DAB1: variants seen among roughly 807,000 people sequenced by gnomAD.
The protein encoded by DAB1 is disabled homolog 1.
DAB1 carries 15 observed loss-of-function variants against 64.6 expected under a neutral mutation model. The observed-to-expected ratio is 0.23, with a 90% CI of 0.16 to 0.36. The LOEUF is 0.36. Ranked by LOEUF, DAB1 falls within the 10% of genes least tolerant of loss-of-function variation. DAB1 has a pLI of 1.00. For missense variants in DAB1, 596 were observed against 706.7 expected (o/e 0.84, Z 1.78); for synonymous variants, 235 against 251.9 (o/e 0.93, Z 0.64).
At chr1:58,375,537 GAT>G (rs1157616843) in intron 3 of DAB1, among the ~76,000 whole-genome samples, 1 of 147,858 alleles carries the variant, frequency 6.8e-6, no homozygotes, top group Non-Finnish European at 1.5e-5. Context: ...AAGCCCACTT[GAT>G]CATGGTGGAT....
intron 4 of DAB1, among the ~76,000 whole-genome samples, chr1:58,338,480 C>G (rs1458786826): frequency 6.6e-6 from 1 of 152,098 alleles, no homozygotes; most frequent in East Asian, 1.9e-4. Flanking sequence ...GGTTTTGGTT[C>G]CCTATTATTT....
intron 4 of DAB1, among the ~76,000 whole-genome samples, chr1:58,330,477 T>C (rs1359722254): frequency 6.6e-6 from 1 of 152,226 alleles, no homozygotes; most frequent in East Asian, 1.9e-4. Flanking sequence ...CTAAATAACA[T>C]ATTTTCAATT....
chr1:57,800,644 A>C (rs1169892556), intron 6 of DAB1, among the ~76,000 whole-genome samples: 1 of 152,238 alleles, frequency 6.6e-6, no homozygotes, highest in African/African-American at 2.4e-5. Context: ...ATTGGGATTT[A>C]AGTTACAGTC....
rs920749576 is a variant in DAB1, at chr1:57,260,093, C to T, written c.67+30871G>A. Among the ~76,000 whole-genome samples, 22 of 152,140 alleles carry T rather than the reference C, an allele frequency of 1.4e-4. 1 individual carries two copies. The highest frequency in any genetic ancestry group is 7.2e-4 in the Admixed American group (11 of 15,268). On this transcript the variant is annotated intron_variant, in intron 2 of 14. Transcript: ENST00000371236. ...AGAACTCGGCCAAGAAGGAGCCTCA[C>T]CAGCCTGCCCCGCTAGTGTAGAGAT...
At position 57,073,121 on chromosome 1, in the gene DAB1, C is replaced by T. The variant is rs78095543; in HGVS notation, c.307-707G>A. ...CTGAACAAGGCATGCCTTCTGTCTC[C>T]CTGGAGAAATAATTCCACCCTCATT... On this transcript the variant is annotated intron_variant, in intron 4 of 14. Coordinates refer to ENST00000371236, the MANE Select transcript of DAB1 (RefSeq NM_001365792.1). Among the ~76,000 whole-genome samples, 97 of 152,292 alleles carry T rather than the reference C, an allele frequency of 6.4e-4. 1 individual carries two copies. In the East Asian group the frequency reaches 0.016, roughly 25 times the overall value.
intron 1 of DAB1, among the ~76,000 whole-genome samples, chr1:57,300,333 A>G (rs1673538010): frequency 6.6e-6 from 1 of 152,182 alleles, no homozygotes; most frequent in South Asian, 2.1e-4. Context: ...AGTTGGTATG[A>G]GAGAAATCAT....
intron 1 of DAB1, among the ~76,000 whole-genome samples, chr1:58,534,542 GT>G (rs895593285): frequency 3.3e-5 from 5 of 152,148 alleles, no homozygotes; most frequent in African/African-American, 7.2e-5. Flanking sequence ...CTAATACTAA[GT>G]TTTTTTATGA....
At chr1:58,038,049 A>G (rs1647074000) in intron 5 of DAB1, among the ~76,000 whole-genome samples, 1 of 152,228 alleles carries the variant, frequency 6.6e-6, no homozygotes, top group Non-Finnish European at 1.5e-5. Flanking sequence ...TACCCTAACT[A>G]ATACACTATA....
chr1:57,275,654 A>T (rs545399406), intron 2 of DAB1, among the ~76,000 whole-genome samples: 122 of 152,292 alleles, frequency 8.0e-4, no homozygotes, highest in Non-Finnish European at 1.4e-3. Flanking sequence ...TGAGGTTAAA[A>T]GATCTGAACA....
chr1:57,601,663 T>A (rs1277504576), intron 7 of DAB1, among the ~76,000 whole-genome samples: 8 of 152,154 alleles, frequency 5.3e-5, no homozygotes, highest in African/African-American at 1.9e-4. Context: ...CTATCCATGG[T>A]AGGTACTTTG....
chr1:58,436,301 A>G (rs1171611953), intron 3 of DAB1, among the ~76,000 whole-genome samples: 1 of 152,220 alleles, frequency 6.6e-6, no homozygotes, highest in African/African-American at 2.4e-5. Flanking sequence ...AGCTAGTTGT[A>G]CCTAGAATAC....
chr1:57,712,047 A>G (rs1647034724), intron 6 of DAB1, among the ~76,000 whole-genome samples: 1 of 152,150 alleles, frequency 6.6e-6, no homozygotes, highest in South Asian at 2.1e-4. Context: ...AAACATTTGG[A>G]GTTTTCCCCT....
chr1:58,421,617 C>T (rs1644772899), intron 3 of DAB1, among the ~76,000 whole-genome samples: 1 of 152,140 alleles, frequency 6.6e-6, no homozygotes, highest in Non-Finnish European at 1.5e-5. Flanking sequence ...TAAGAGCTTT[C>T]ATGCTGGGGG....
intron 5 of DAB1, among the ~76,000 whole-genome samples, chr1:57,908,600 G>T (rs1644593503): frequency 7.4e-6 from 1 of 134,350 alleles, no homozygotes; most frequent in South Asian, 2.3e-4. Flanking sequence ...TCCAAGCGCA[G>T]TCAGAGTCCT....
intron 4 of DAB1, among the ~76,000 whole-genome samples, chr1:58,321,513 G>C (rs1662682164): frequency 1.3e-5 from 2 of 152,334 alleles, no homozygotes; most frequent in South Asian, 4.1e-4. Context: ...CTAGCCAAGG[G>C]AAGCCATGAC....
intron 1 of DAB1, among the ~76,000 whole-genome samples, chr1:57,300,884 A>T (rs1389768653): frequency 6.6e-6 from 1 of 152,168 alleles, no homozygotes; most frequent in Non-Finnish European, 1.5e-5. Context: ...TTATTCATTG[A>T]TTCATTGACT....
chr1:58,157,693 T>C (rs1655294830), intron 4 of DAB1, among the ~76,000 whole-genome samples: 1 of 152,086 alleles, frequency 6.6e-6, no homozygotes, highest in South Asian at 2.1e-4. Context: ...AAACACTGAG[T>C]TGCTGGAATC....
chr1:57,155,469 A>C (rs2100861586), intron 2 of DAB1, among the ~76,000 whole-genome samples: 1 of 150,646 alleles, frequency 6.6e-6, no homozygotes, highest in African/African-American at 2.4e-5. Flanking sequence ...TGATTCTTCC[A>C]GTTTTGTTTT....
chr1:58,341,668 A>G (rs768666325), intron 4 of DAB1, among the ~76,000 whole-genome samples: 2 of 151,912 alleles, frequency 1.3e-5, no homozygotes, highest in Non-Finnish European at 2.9e-5. Flanking sequence ...GCCTTTAACC[A>G]CTCCTCAACT....
Sources: gnomAD v4.1 joint callset for allele counts (sites outside exome capture counted in the v4.1 genomes callset) on GRCh38, gnomAD v4.1.1 for gene constraint, MANE v1.5 for transcripts, NCBI Gene and HGNC (gene_info 2026-07-23, HGNC 2026-07-21) for gene names.